The following BTG4 variants were observed in gnomAD, a reference collection of about 807,000 sequenced individuals.
BTG4 encodes the protein protein BTG4.
BTG4 carries 10 observed loss-of-function variants against 19.3 expected under a neutral mutation model. That is an observed-to-expected ratio of 0.52 (90% confidence interval 0.32 to 0.88). The LOEUF is 0.88. Ranked by LOEUF, BTG4 falls within the 40% of genes least tolerant of loss-of-function variation. The pLI, the probability that BTG4 is intolerant of heterozygous loss-of-function variation, is 0.04. For missense variants in BTG4, 238 were observed against 281.9 expected, an observed-to-expected ratio of 0.84 and a Z score of 1.11; for synonymous variants, 91 against 95.7, an observed-to-expected ratio of 0.95 and a Z score of 0.29.
At chr11:111,427,874 G>A in the BTG4 span, among the ~76,000 whole-genome samples, 3 of 152,152 alleles carry the variant, frequency 2.0e-5, no homozygotes, top group African/African-American at 7.2e-5. Context: ...TGACAATAGA[G>A]TGACAGAGGC....
At chr11:111,442,896 G>A in the BTG4 span, among the ~76,000 whole-genome samples, 6 of 152,224 alleles carry the variant, frequency 3.9e-5, no homozygotes, top group Middle Eastern at 3.4e-3. Flanking sequence ...TTCCACCCTC[G>A]GGGAGGGATA....
the BTG4 span, among the ~76,000 whole-genome samples, chr11:111,439,643 C>T: frequency 1.3e-5 from 2 of 152,096 alleles, no homozygotes; most frequent in African/African-American, 4.8e-5. Flanking sequence ...CCCTCCCAGA[C>T]TCACACCCCC....
At chr11:111,390,779 C>T in the BTG4 span, among the ~76,000 whole-genome samples, 1 of 152,230 alleles carries the variant, frequency 6.6e-6, no homozygotes, top group African/African-American at 2.4e-5. Flanking sequence ...TCCAGTCCCA[C>T]TTGAACATCT....
In BTG4 at chr11:111,494,843, C is replaced by A. The variant is rs527653609; in HGVS notation, c.*292G>T. 4 of 962,388 alleles carry A rather than the reference C, an allele frequency of 4.2e-6. No homozygotes were observed. The African/African-American group carries it at 7.0e-5, about 17-fold the overall frequency. The allele number at this position is 962,388 out of a possible 1,614,324, so 59.6% of individuals were successfully genotyped here. A position where few individuals can be genotyped will look rare whatever the true frequency, so the allele number is the denominator to read the frequency against. The stretch of plus-strand genomic sequence containing the variant: ...TAAAAACACTGTACGTTTATTTAAA[C>A]CATTACTTTTCATAATTCATTGAGT... On this transcript the variant is annotated 3_prime_UTR_variant, in exon 5 of 5. Coordinates refer to ENST00000692032, the MANE Select transcript of BTG4 (RefSeq NM_001367975.1).
At chr11:111,495,341 T>G in intron 4 of BTG4, 27 bp from the exon 5 acceptor site, 4 of 1,580,950 alleles carry the variant, frequency 2.5e-6, no homozygotes, top group Non-Finnish European at 3.5e-6. Context: ...TAAAGATCTC[T>G]AATAAGCTAG....
At chr11:111,491,576 C>T (rs1439264975), downstream of BTG4, among the ~76,000 whole-genome samples, 1 of 151,676 alleles carries the variant, frequency 6.6e-6, no homozygotes, top group Non-Finnish European at 1.5e-5. Flanking sequence ...AGCGAGACCT[C>T]GTTCTCTACT....
chr11:111,426,241 C>A, the BTG4 span, among the ~76,000 whole-genome samples: 1 of 151,582 alleles, frequency 6.6e-6, no homozygotes, highest in African/African-American at 2.4e-5. Flanking sequence ...GCCAAGAAAC[C>A]ATGAAAGCAG....
chr11:111,513,053 G>A, upstream of BTG4: 1 of 457,222 alleles, frequency 2.2e-6, no homozygotes, highest in East Asian at 7.2e-5. Flanking sequence ...GGAAGAAGAC[G>A]CCGGCTCGGG....
rs1047166822 is a variant in BTG4 at position 111,507,107 on chromosome 11, G to A, written c.-27+5074C>T. On this transcript the variant is annotated intron_variant, in intron 1 of 4. Transcript: ENST00000692032. Reference sequence around the variant, plus strand: ...AAAGCTTAAGTGCCAAATGAGGACTGTGGAAATAAAAACAAGAATAAGCAG... The same window carrying A: ...AAAGCTTAAGTGCCAAATGAGGACTATGGAAATAAAAACAAGAATAAGCAG... 1.3e-4 allele frequency among the ~76,000 whole-genome samples: 19 copies of A among 151,404 alleles called. No homozygotes were observed. The South Asian group carries it at 3.7e-3, about 30-fold the overall frequency.
downstream of BTG4, among the ~76,000 whole-genome samples, chr11:111,494,390 G>C (rs1424625657): frequency 2.0e-5 from 3 of 152,196 alleles, no homozygotes; most frequent in Non-Finnish European, 2.9e-5. Context: ...GAATTTAGAA[G>C]AGTCAAACTA....
intron 1 of BTG4, among the ~76,000 whole-genome samples, chr11:111,510,671 A>G (rs1591544234): frequency 6.6e-6 from 1 of 151,886 alleles, no homozygotes; most frequent in African/African-American, 2.4e-5. Context: ...GGCCACACAT[A>G]TTTTTTGTCG....
At chr11:111,510,677 T>G (rs1040939606) in intron 1 of BTG4, among the ~76,000 whole-genome samples, 1 of 152,228 alleles carries the variant, frequency 6.6e-6, no homozygotes, top group Non-Finnish European at 1.5e-5. Flanking sequence ...ACATATTTTT[T>G]GTCGTTATTT....
At chr11:111,497,105 G>C (rs1865782715) in intron 4 of BTG4, 106 bp downstream of exon 4, 1 of 1,165,448 alleles carries the variant, frequency 8.6e-7, no homozygotes, top group African/African-American at 1.6e-5. Context: ...AAAATCTACA[G>C]TTTTGTTCTT....
the BTG4 span, chr11:111,451,140 T>A: frequency 1.3e-5 from 3 of 232,308 alleles, no homozygotes; most frequent in African/African-American, 6.6e-5. Context: ...GACCTGTGAG[T>A]GTCCAGAGAC....
intron 5 of BTG4, chr11:111,469,650 T>C (rs1863942606): frequency 6.6e-6 from 1 of 152,624 alleles, no homozygotes; most frequent in Non-Finnish European, 1.5e-5. Flanking sequence ...AAGACAATGA[T>C]AACCCATGGT....
chr11:111,488,283 AC>A (rs1026662091), intron 5 of BTG4, among the ~76,000 whole-genome samples: 1 of 152,144 alleles, frequency 6.6e-6, no homozygotes, highest in African/African-American at 2.4e-5. Context: ...AGAATAGAAA[AC>A]CCAGAAATAA....
chr11:111,391,626 G>A, the BTG4 span, among the ~76,000 whole-genome samples: 2 of 151,890 alleles, frequency 1.3e-5, no homozygotes. Flanking sequence ...CCATCTCTCT[G>A]GTCCTTGGAA....
At chr11:111,443,107 A>C in the BTG4 span, among the ~76,000 whole-genome samples, 603 of 152,322 alleles carry the variant, frequency 4.0e-3, 3 homozygotes, top group African/African-American at 0.014. Context: ...TGAAAATGGC[A>C]CCTTGCCTCT....
chr11:111,483,311 T>C (rs773741603), intron 5 of BTG4, among the ~76,000 whole-genome samples: 6 of 152,150 alleles, frequency 3.9e-5, no homozygotes, highest in Non-Finnish European at 8.8e-5. Context: ...AATTCTTCAA[T>C]GCCCAAACAT....
Sources: allele counts gnomAD v4.1 joint callset (sites outside exome capture counted in the v4.1 genomes callset), GRCh38; gene constraint gnomAD v4.1.1; transcripts MANE v1.5; gene names NCBI Gene and HGNC (gene_info 2026-07-23, HGNC 2026-07-21).